Variants in EVX2 observed in about 807,000 individuals in gnomAD.
The protein encoded by EVX2 is even-skipped homeobox 2.
Under a neutral mutation model 19.2 loss-of-function variants are expected in EVX2, and 10 were observed. That is an observed-to-expected ratio of 0.52 (90% CI 0.32 to 0.89). EVX2 has a LOEUF of 0.89. Among genes scored for constraint, EVX2 ranks in the 40% least tolerant of loss-of-function variants. The pLI, the probability that EVX2 is intolerant of heterozygous loss-of-function variation, is 0.03. For missense variants in EVX2, 710 were observed against 694.9 expected (o/e 1.02, Z -0.24); for synonymous variants, 354 against 328.4 (o/e 1.08, Z -0.84).
rs760205225 is a variant in EVX2 at position 176,082,500 on chromosome 2, C to T, written c.428-51G>A. ...ATGAGTGGCTGTAGGACCAACAGCC[C>T]GGCGCTGGCGCTGCGCGCGGATCGG... is the stretch of plus-strand genomic sequence containing the variant. On this transcript the variant is annotated intron_variant, in intron 1 of 2. Coordinates refer to ENST00000308618, the MANE Select transcript of EVX2 (RefSeq NM_001080458.2). This position sits in a 1 kb window ranked among gnomAD's most constrained non-coding sequence, Gnocchi z 5.2. 7.4e-6 allele frequency: 11 copies of T among 1,487,560 alleles called. No homozygotes were observed. The highest frequency in any genetic ancestry group is 2.9e-5 in the African/African-American group (2 of 69,086). The allele number at this position is 1,487,560 out of a possible 1,614,324, so 92.1% of individuals were successfully genotyped here. A position where few individuals can be genotyped will look rare whatever the true frequency, so the allele number is the denominator to read the frequency against.
chr2:176,080,913 C>A lies in EVX2; in HGVS notation c.700-75G>T. ...CCAGCTCCTGTCCCAGGACCTCTGC[C>A]CCTTCCGGACCTCTGAATGGCTTGG... On this transcript the variant is annotated intron_variant, in intron 2 of 2. Coordinates refer to ENST00000308618, the MANE Select transcript of EVX2 (RefSeq NM_001080458.2). The surrounding 1 kb of genome is among the most constrained non-coding windows in gnomAD (Gnocchi z 7.0). 6.7e-7 allele frequency: 1 copy of A among 1,501,020 alleles called. No homozygotes were observed. The highest frequency in any genetic ancestry group is 1.3e-5 in the South Asian group (1 of 77,208). The allele number at this position is 1,501,020 out of a possible 1,614,324, so 93.0% of individuals were successfully genotyped here.
rs761269992 is a variant in EVX2 at position 176,082,408 on chromosome 2, C to A, written c.469G>T (p.Ala157Ser). The A allele has an allele frequency of 2.1e-5, 33 of 1,580,624 alleles. No individual in the cohort carries two copies. The South Asian group carries it at 3.7e-4, about 18-fold the overall frequency. ...SGSAAGTTTS[A>S]SGSGLGSLHG... is the part of the protein sequence containing the mutation. ...AGGCTTCCGAGGCCTGAGCCCGACGCCGACGTCGTGGTGCCGGCAGCCGAG... is the reference window on the plus strand; with the variant it reads ...AGGCTTCCGAGGCCTGAGCCCGACGACGACGTCGTGGTGCCGGCAGCCGAG... The change falls in exon 2 of 3, where the codon GCG (alanine) becomes TCG (serine). Residue 157 changes from alanine (A) to serine (S), a missense_variant. Transcript: ENST00000308618. The surrounding 1 kb of genome is among the most constrained non-coding windows in gnomAD (Gnocchi z 5.2).
At position 176,082,534 on chromosome 2, in the gene EVX2, C is replaced by A; in HGVS notation, c.428-85G>T. ...CGCTGCGCGCGGATCGGGGAAGCCC[C>A]GTCAGGAAGGAGAGTCGCTGCCGGA... On this transcript the variant is annotated intron_variant, in intron 1 of 2. Coordinates refer to ENST00000308618, the MANE Select transcript of EVX2 (RefSeq NM_001080458.2). This position sits in a 1 kb window ranked among gnomAD's most constrained non-coding sequence, Gnocchi z 5.2. The A allele has an allele frequency of 6.9e-6, 10 of 1,453,640 alleles. No homozygotes were observed. The highest frequency in any genetic ancestry group is 8.2e-6 in the Non-Finnish European group (9 of 1,100,164). 90.0% of individuals were successfully genotyped at this position (1,453,640 alleles called of 1,614,324 possible). A position where few individuals can be genotyped will look rare whatever the true frequency, so the allele number is the denominator to read the frequency against.
chr2:176,080,841 G>T lies in EVX2; in HGVS notation c.700-3C>A. 6.2e-7 allele frequency: 1 copy of T among 1,608,770 alleles called. No homozygotes were observed. The highest frequency in any genetic ancestry group is 8.5e-7 in the Non-Finnish European group (1 of 1,178,186). On this transcript the variant is annotated splice_polypyrimidine_tract_variant and splice_region_variant and intron_variant, in intron 2 of 2. Coordinates refer to ENST00000308618, the MANE Select transcript of EVX2 (RefSeq NM_001080458.2). The surrounding 1 kb of genome is among the most constrained non-coding windows in gnomAD (Gnocchi z 7.0). ...ATGCGCCGGTTCTGGAACCACACCT[G>T]CGGGGAGAGACGCGCCGCAGCCTGG...
In EVX2 at chr2:176,082,279, T is replaced by G; in HGVS notation, c.598A>C (p.Ile200Leu). The G allele has an allele frequency of 6.2e-7, 1 of 1,602,456 alleles. No individual in the cohort carries two copies. Among genetic ancestry groups the G allele is most frequent in the Non-Finnish European group, 8.5e-7 (1 of 1,178,884 alleles). The change falls in exon 2 of 3, where the codon ATC becomes CTC. Residue 200 changes from isoleucine to leucine, a missense_variant. By Grantham distance (5) the Ile-to-Leu change is conservative. Coordinates refer to ENST00000308618, the MANE Select transcript of EVX2 (RefSeq NM_001080458.2). The surrounding 1 kb of genome is among the most constrained non-coding windows in gnomAD (Gnocchi z 5.2). ...TAGAACTCCTTCTCCAGGCGCGCGA[T>G]CTGCTCGCGGGTGAACGCCGTACGG... Reference protein sequence around the residue: ...RYRTAFTREQIARLEKEFYRE... With the variant: ...RYRTAFTREQLARLEKEFYRE...
chr2:176,083,608 G>A lies in EVX2; in HGVS notation c.169C>T (p.Pro57Ser), dbSNP rs1689180753. ...ARLSPRLPSA[P>S]LHSALGELPA... The stretch of plus-strand genomic sequence containing the variant: ...AGTTCTCCCAGAGCGCTGTGCAGGG[G>A]GGCAGACGGCAGGCGCGGGCTTAGG... Residue 57 changes from proline (P) to serine (S), a missense_variant, in exon 1 of 3, where the codon CCC (proline) becomes TCC (serine). Pro to Ser is a moderately conservative substitution (Grantham distance 74). Transcript: ENST00000308618. The surrounding 1 kb of genome is among the most constrained non-coding windows in gnomAD (Gnocchi z 4.4). 1 of 1,614,198 alleles carries A rather than the reference G, an allele frequency of 6.2e-7. No homozygotes were observed.
At position 176,080,476 on chromosome 2, in the gene EVX2, G is replaced by C; in HGVS notation, c.1062C>G (p.Asn354Lys). The C allele has an allele frequency of 7.6e-7, 1 of 1,314,210 alleles. No homozygotes were observed. The highest frequency in any genetic ancestry group is 9.7e-7 in the Non-Finnish European group (1 of 1,035,504). 81.4% of individuals were successfully genotyped at this position (1,314,210 alleles called of 1,614,324 possible). ...YQAPAAAAGL[N>K]SAASAAAAAA... ...CGGCTGCCGCGGCAGAGGCCGCGCT[G>C]TTGAGCCCCGCGGCGGCCGCGGGAG... Residue 354 changes from asparagine (N) to lysine (K), a missense_variant, in exon 3 of 3, where the codon AAC becomes AAG. Asn to Lys is a moderately conservative substitution (Grantham distance 94, BLOSUM62 0). Transcript: ENST00000308618. The surrounding 1 kb of genome is among the most constrained non-coding windows in gnomAD (Gnocchi z 7.0).
At position 176,080,174 on chromosome 2, in the gene EVX2, G is replaced by T; in HGVS notation, c.1364C>A (p.Ala455Asp). ...RSESGFLPYSAAVLSKTAVSP... is the reference protein window; with the variant it reads ...RSESGFLPYSDAVLSKTAVSP... ...CACGGCCGTCTTACTAAGCACCGCG[G>T]CCGAGTAGGGCAGGAAGCCGCTCTC... The change falls in exon 3 of 3, where the codon GCC (alanine) becomes GAC (aspartate). Residue 455 changes from alanine to aspartate, a missense_variant. Physicochemically the swap from Ala to Asp is moderately radical, Grantham distance 126. Transcript: ENST00000308618. This position sits in a 1 kb window ranked among gnomAD's most constrained non-coding sequence, Gnocchi z 7.0. The T allele has an allele frequency of 6.6e-7, 1 of 1,521,236 alleles. No individual in the cohort carries two copies. Among genetic ancestry groups the T allele is most frequent in the Non-Finnish European group, 8.8e-7 (1 of 1,138,474 alleles). 94.2% of individuals were successfully genotyped at this position (1,521,236 alleles called of 1,614,324 possible).
At position 176,079,368 on chromosome 2, in the gene EVX2, A is replaced by C. The variant is rs1689096257; in HGVS notation, c.*739T>G. On this transcript the variant is annotated 3_prime_UTR_variant, in exon 3 of 3. Transcript: ENST00000308618. This position sits in a 1 kb window ranked among gnomAD's most constrained non-coding sequence, Gnocchi z 4.4. ...AGAGAAAGGTGTTGGACCGAAAAGGAGGCGGCGCAACGGCCACCCCTTCCA... is the reference window on the plus strand; with the variant it reads ...AGAGAAAGGTGTTGGACCGAAAAGGCGGCGGCGCAACGGCCACCCCTTCCA... The C allele has an allele frequency of 6.6e-6, 1 of 152,214 alleles. No homozygotes were observed. Among genetic ancestry groups the C allele is most frequent in the South Asian group, 2.1e-4 (1 of 4,824 alleles). The allele number at this position is 152,214 out of a possible 1,614,324, so 9.4% of individuals were successfully genotyped here. A position where few individuals can be genotyped will look rare whatever the true frequency, so the allele number is the denominator to read the frequency against.
chr2:176,083,893 C>T lies in EVX2; in HGVS notation c.-117G>A. The T allele has an allele frequency of 1.1e-6, 1 of 898,564 alleles. No homozygotes were observed. The allele number at this position is 898,564 out of a possible 1,614,324, so 55.7% of individuals were successfully genotyped here. ...CGCCTCTAAATATTATTATCGCTTT[C>T]GGAGGGAGGCGGAAAAATTGTGGGA... On this transcript the variant is annotated 5_prime_UTR_variant, in exon 1 of 3. Coordinates refer to ENST00000308618, the MANE Select transcript of EVX2 (RefSeq NM_001080458.2). This position sits in a 1 kb window ranked among gnomAD's most constrained non-coding sequence, Gnocchi z 4.4.
Position 176,080,626 on chromosome 2 carries a change from C to A in EVX2, c.912G>T (p.Ala304=). 2.0e-6 allele frequency: 3 copies of A among 1,530,574 alleles called. No individual in the cohort carries two copies. The highest frequency in any genetic ancestry group is 4.7e-5 in the East Asian group (2 of 42,458). The allele number at this position is 1,530,574 out of a possible 1,614,324, so 94.8% of individuals were successfully genotyped here. The change falls in exon 3 of 3, where the codon GCG becomes GCT. Residue 304 remains alanine, a synonymous_variant. Transcript: ENST00000308618. The surrounding 1 kb of genome is among the most constrained non-coding windows in gnomAD (Gnocchi z 7.0). ...AAAAAAAASG[A]AAAASSPFAT... ...CGAAGGGCGACGAAGCCGCGGCCGC[C>A]GCGCCTGAGGCTGCAGCCGCGGCCG...
rs368943145 is a variant in EVX2 at position 176,083,662 on chromosome 2, C to G, written c.115G>C (p.Ala39Pro). ...GCCGGGTGCTGCGAATTTTCCAGGGCCTCGAGCACAGCATTGCCAGCCGAG... is the reference window on the plus strand; with the variant it reads ...GCCGGGTGCTGCGAATTTTCCAGGGGCTCGAGCACAGCATTGCCAGCCGAG... ...SNSAGNAVLE[A>P]LENSQHPARL... The change falls in exon 1 of 3, where the codon GCC (alanine) becomes CCC (proline). Residue 39 changes from alanine to proline, a missense_variant. Transcript: ENST00000308618. This position sits in a 1 kb window ranked among gnomAD's most constrained non-coding sequence, Gnocchi z 4.4. The G allele has an allele frequency of 1.2e-6, 2 of 1,614,040 alleles. No homozygotes were observed. Among genetic ancestry groups the G allele is most frequent in the Non-Finnish European group, 1.7e-6 (2 of 1,180,046 alleles).
Position 176,083,330 on chromosome 2 carries a change from G to T in EVX2, c.427+20C>A. On this transcript the variant is annotated intron_variant, in intron 1 of 2. Transcript: ENST00000308618. This position sits in a 1 kb window ranked among gnomAD's most constrained non-coding sequence, Gnocchi z 4.4. ...CAAAGAGGATGGGACTGGAGAGCGC[G>T]GTGCGGCCGGCGCGGTTACCTTTGC... The T allele has an allele frequency of 6.4e-7, 1 of 1,556,054 alleles. No individual in the cohort carries two copies. Among genetic ancestry groups the T allele is most frequent in the Non-Finnish European group, 8.7e-7 (1 of 1,148,984 alleles).
rs1689138172 is a variant in EVX2, at chr2:176,080,848, G to C, written c.700-10C>G. The C allele has an allele frequency of 6.2e-7, 1 of 1,605,204 alleles. No individual in the cohort carries two copies. The highest frequency in any genetic ancestry group is 1.7e-5 in the Admixed American group (1 of 59,478). The stretch of plus-strand genomic sequence containing the variant: ...GGTTCTGGAACCACACCTGCGGGGA[G>C]AGACGCGCCGCAGCCTGGGTTAGGG... On this transcript the variant is annotated splice_polypyrimidine_tract_variant and intron_variant, in intron 2 of 2. Transcript: ENST00000308618. The surrounding 1 kb of genome is among the most constrained non-coding windows in gnomAD (Gnocchi z 7.0).
chr2:176,082,325 G>A lies in EVX2; in HGVS notation c.552C>T (p.Gly184=). The A allele has an allele frequency of 6.3e-7, 1 of 1,596,336 alleles. No individual in the cohort carries two copies. The highest frequency in any genetic ancestry group is 8.5e-7 in the Non-Finnish European group (1 of 1,176,318). The change falls in exon 2 of 3, where the codon GGC becomes GGT. Residue 184 remains glycine (G), a synonymous_variant. Transcript: ENST00000308618. This position sits in a 1 kb window ranked among gnomAD's most constrained non-coding sequence, Gnocchi z 5.2. The part of the protein sequence containing the change: ...GSAALGGSGS[G]ADQVRRYRTA... ...TACGGTAGCGCCGCACTTGATCCGC[G>A]CCAGAGCCGGAGCCACCCAGCGCCG... is the stretch of plus-strand genomic sequence containing the variant.
rs1689160804 is a variant in EVX2 at position 176,082,378 on chromosome 2, C to T, written c.499G>A (p.Gly167Arg). The T allele has an allele frequency of 6.2e-7, 1 of 1,603,468 alleles. No homozygotes were observed. The highest frequency in any genetic ancestry group is 8.5e-7 in the Non-Finnish European group (1 of 1,177,992). The stretch of plus-strand genomic sequence containing the variant: ...CTCCCGCCGCTGCCTCCGCTGCCTC[C>T]ATGCAGGCTTCCGAGGCCTGAGCCC... ...ASGSGLGSLH[G>R]GSGGSGGSAA... The change falls in exon 2 of 3, where the codon GGA (glycine) becomes AGA (arginine). Residue 167 changes from glycine (G) to arginine (R), a missense_variant. Physicochemically the swap from Gly to Arg is moderately radical, Grantham distance 125 (BLOSUM62 -2). Transcript: ENST00000308618. This position sits in a 1 kb window ranked among gnomAD's most constrained non-coding sequence, Gnocchi z 5.2.
In EVX2 at chr2:176,083,541, A is replaced by G. The variant is rs780971594; in HGVS notation, c.236T>C (p.Leu79Pro). Residue 79 changes from leucine to proline, a missense_variant, in exon 1 of 3, where the codon CTG (leucine) becomes CCG (proline). Leu to Pro is a moderately conservative substitution (Grantham distance 98). Transcript: ENST00000308618. The surrounding 1 kb of genome is among the most constrained non-coding windows in gnomAD (Gnocchi z 4.4). ...GKFEIDTLFN[L>P]QHTGSESTVS... is the part of the protein sequence containing the mutation. The stretch of plus-strand genomic sequence containing the variant: ...GGTGCTTTCGCTGCCCGTGTGCTGC[A>G]GGTTGAACAAAGTGTCTATTTCGAA... 1.2e-6 allele frequency: 2 copies of G among 1,614,126 alleles called. No homozygotes were observed. Among genetic ancestry groups the G allele is most frequent in the Non-Finnish European group, 1.7e-6 (2 of 1,180,026 alleles).
At position 176,083,430 on chromosome 2, in the gene EVX2, C is replaced by G. The variant is rs767874850; in HGVS notation, c.347G>C (p.Ser116Thr). 5.0e-6 allele frequency: 8 copies of G among 1,614,004 alleles called. No homozygotes were observed. In the Admixed American group the frequency reaches 5.0e-5, roughly 10 times the overall value. Residue 116 changes from serine to threonine, a missense_variant, in exon 1 of 3, where the codon AGC (serine) becomes ACC (threonine). Physicochemically the swap from Ser to Thr is moderately conservative, Grantham distance 58. Transcript: ENST00000308618. The surrounding 1 kb of genome is among the most constrained non-coding windows in gnomAD (Gnocchi z 4.4). ...SEAAAEADMS[S>T]DVEVGCSALR... ...CGCGGAGCAGCCCACCTCCACGTCG[C>G]TGCTCATGTCGGCCTCAGCGGCCGC... is the stretch of plus-strand genomic sequence containing the variant.
rs1157624881 is a variant in EVX2, at chr2:176,083,856, A to T, written c.-80T>A. 5 of 1,270,434 alleles carry T rather than the reference A, an allele frequency of 3.9e-6. No individual in the cohort carries two copies. In the African/African-American group the frequency reaches 4.5e-5, roughly 11 times the overall value. 78.7% of individuals were successfully genotyped at this position (1,270,434 alleles called of 1,614,324 possible). A position where few individuals can be genotyped will look rare whatever the true frequency, so the allele number is the denominator to read the frequency against. On this transcript the variant is annotated 5_prime_UTR_variant, in exon 1 of 3. The change abolishes the stop of an existing upstream ORF in the 5' untranslated region. Transcript: ENST00000308618. The surrounding 1 kb of genome is among the most constrained non-coding windows in gnomAD (Gnocchi z 4.4). Reference sequence around the variant, plus strand: ...CTGCGCCTAGGGCTAATTCTCATTCAGCCCCAGCGAACGCCTCTAAATATT... The same window carrying T: ...CTGCGCCTAGGGCTAATTCTCATTCTGCCCCAGCGAACGCCTCTAAATATT...
Sources: allele counts gnomAD v4.1 joint callset, GRCh38; gene constraint gnomAD v4.1.1; non-coding constraint Gnocchi (gnomAD v3.1); transcripts MANE v1.5; gene names NCBI Gene and HGNC (gene_info 2026-07-23, HGNC 2026-07-21).